The following KATNB1 variants were observed in gnomAD, a reference collection of about 807,000 sequenced individuals.
KATNB1 encodes katanin regulatory subunit B1.
KATNB1 carries 38 observed loss-of-function variants against 82.3 expected under a neutral mutation model. The observed-to-expected ratio is 0.46, with a 90% confidence interval of 0.36 to 0.61. The LOEUF (loss-of-function observed/expected upper bound fraction) is 0.61, where lower values mean the gene tolerates loss of function less well. Ranked by LOEUF, KATNB1 falls within the 20% of genes least tolerant of loss-of-function variation. The pLI is 0.00. For missense variants in KATNB1, 749 were observed against 915.7 expected (o/e 0.82, Z 2.35); for synonymous variants, 361 against 368.7 (o/e 0.98, Z 0.24).
intron 4 of KATNB1, among the ~76,000 whole-genome samples, chr16:57,750,276 G>T (rs1217129558): frequency 6.6e-6 from 1 of 152,158 alleles, no homozygotes; most frequent in Non-Finnish European, 1.5e-5. Flanking sequence ...GGAGAGTGTG[G>T]TACAATTTCT....
Position 57,755,842 on chromosome 16 carries a change from C to T in KATNB1, c.1568C>T (p.Thr523Met), listed in dbSNP as rs142649985. ...RAVWTMGDIK[T>M]SVDSAVAIND... ...CCTGACGGTGCTCTGTTTGCACAGA[C>T]GTCGGTGGACTCCGCTGTGGCCATC... The change falls in exon 17 of 20, where the codon ACG becomes ATG. Residue 523 changes from threonine to methionine, a missense_variant and splice_region_variant. Thr to Met is a moderately conservative substitution (Grantham distance 81, BLOSUM62 -1). Coordinates refer to ENST00000379661, the MANE Select transcript of KATNB1 (RefSeq NM_005886.3). 1.1e-4 allele frequency: 175 copies of T among 1,585,412 alleles called. 2 individuals carry two copies. The African/African-American group carries it at 1.2e-3, about 11-fold the overall frequency.
At chr16:57,737,443 T>G (rs2148786735) in intron 2 of KATNB1, among the ~76,000 whole-genome samples, 160 bp downstream of exon 2, 1 of 152,308 alleles carries the variant, frequency 6.6e-6, no homozygotes, top group Middle Eastern at 3.4e-3. Context: ...ACTGTGGCAC[T>G]TCTTAGCTGG....
chr16:57,742,511 G>C (rs185896790), intron 3 of KATNB1, among the ~76,000 whole-genome samples: 11 of 152,360 alleles, frequency 7.2e-5, no homozygotes, highest in African/African-American at 2.6e-4. Flanking sequence ...GTACATGCAT[G>C]TACACATGTA....
In KATNB1 at chr16:57,751,322, G is replaced by C. The variant is rs781936878; in HGVS notation, c.432+20G>C. 4 of 1,611,106 alleles carry C rather than the reference G, an allele frequency of 2.5e-6. No individual in the cohort carries two copies. In the Admixed American group the frequency reaches 6.7e-5, roughly 27 times the overall value. On this transcript the variant is annotated intron_variant, in intron 6 of 19. Coordinates refer to ENST00000379661, the MANE Select transcript of KATNB1 (RefSeq NM_005886.3). This position sits in a 1 kb window ranked among gnomAD's most constrained non-coding sequence, Gnocchi z 6.3. ...TACAGGGTAAGGATGCGCTCTGTCGGTGACTCCATGAGCACCTTGCGGGCA... is the reference window on the plus strand; with the variant it reads ...TACAGGGTAAGGATGCGCTCTGTCGCTGACTCCATGAGCACCTTGCGGGCA...
rs372112294 is a variant in KATNB1, at chr16:57,753,276, C to T, written c.1046+9C>T. 1.9e-6 allele frequency: 3 copies of T among 1,590,724 alleles called. No individual in the cohort carries two copies. The South Asian group carries it at 3.3e-5, about 18-fold the overall frequency. ...TGCAGCAAGCCTCAGAGGTGAGGGCCTGGGGGGCCTTCGGGGGCCCAGGAG... is the reference window on the plus strand; with the variant it reads ...TGCAGCAAGCCTCAGAGGTGAGGGCTTGGGGGGCCTTCGGGGGCCCAGGAG... On this transcript the variant is annotated intron_variant, in intron 11 of 19. Transcript: ENST00000379661.
intron 10 of KATNB1, 70 bp from the exon 11 acceptor site, chr16:57,753,007 C>A: frequency 6.3e-7 from 1 of 1,588,624 alleles, no homozygotes; most frequent in East Asian, 2.2e-5. Context: ...CCTCCTCCTA[C>A]CCCCACACTG....
At position 57,751,256 on chromosome 16, in the gene KATNB1, C is replaced by T. The variant is rs113125279; in HGVS notation, c.391-5C>T. The T allele has an allele frequency of 9.9e-6, 16 of 1,613,852 alleles. No homozygotes were observed. In the South Asian group the frequency reaches 1.5e-4, roughly 16 times the overall value. On this transcript the variant is annotated splice_region_variant and splice_polypyrimidine_tract_variant and intron_variant, in intron 5 of 19. Transcript: ENST00000379661. This position sits in a 1 kb window ranked among gnomAD's most constrained non-coding sequence, Gnocchi z 6.3. ...TCTGCCCCTCTGCTTCTCTCTCCCC[C>T]ACAGCTCTGGGACATCAGGAGGAAA...
intron 3 of KATNB1, among the ~76,000 whole-genome samples, chr16:57,744,165 G>A (rs1041550645): frequency 2.6e-5 from 4 of 152,238 alleles, no homozygotes; most frequent in Admixed American, 6.5e-5. Flanking sequence ...GAAGAGGGAG[G>A]TGGTGGGGGG....
At chr16:57,741,609 A>G in intron 2 of KATNB1, 78 bp from the exon 3 acceptor site, 1 of 1,491,076 alleles carries the variant, frequency 6.7e-7, no homozygotes, top group Non-Finnish European at 9.1e-7. Context: ...CAAAGCGGGT[A>G]GCCGAGCAGG....
chr16:57,753,634 C>T (rs1295921366), intron 12 of KATNB1, 115 bp downstream of exon 12: 2 of 1,358,648 alleles, frequency 1.5e-6, no homozygotes, highest in East Asian at 2.4e-5. Context: ...TCCTAACCCA[C>T]ACCTGGGCTC....
At position 57,750,823 on chromosome 16, in the gene KATNB1, T is replaced by A; in HGVS notation, c.290-4T>A. 6.2e-7 allele frequency: 1 copy of A among 1,613,332 alleles called. No individual in the cohort carries two copies. The highest frequency in any genetic ancestry group is 8.5e-7 in the Non-Finnish European group (1 of 1,179,242). ...GCCACTGTCTCTGCTTTCCTTCTTGTTAGTTCTTCGCACACTCATGGGACA... is the reference window on the plus strand; with the variant it reads ...GCCACTGTCTCTGCTTTCCTTCTTGATAGTTCTTCGCACACTCATGGGACA... On this transcript the variant is annotated splice_region_variant and splice_polypyrimidine_tract_variant and intron_variant, in intron 4 of 19. Coordinates refer to ENST00000379661, the MANE Select transcript of KATNB1 (RefSeq NM_005886.3).
chr16:57,742,851 G>A (rs948599723), intron 3 of KATNB1, among the ~76,000 whole-genome samples: 1 of 152,146 alleles, frequency 6.6e-6, no homozygotes, highest in Admixed American at 6.5e-5. Context: ...TTTTGTTAAA[G>A]CTTTCAAAAC....
chr16:57,747,219 C>T (rs1314342819), intron 4 of KATNB1, among the ~76,000 whole-genome samples: 3 of 152,156 alleles, frequency 2.0e-5, no homozygotes, highest in Non-Finnish European at 2.9e-5. Flanking sequence ...TGGATCATCC[C>T]GCGTGCCAGG....
chr16:57,752,466 C>A (rs2049236123), intron 8 of KATNB1, 64 bp from the exon 9 acceptor site: 1 of 1,447,188 alleles, frequency 6.9e-7, no homozygotes, highest in Non-Finnish European at 9.5e-7. Context: ...AGCTGGCTTC[C>A]CAGGGACATG....
At position 57,752,032 on chromosome 16, in the gene KATNB1, C is replaced by G. The variant is rs2049232761; in HGVS notation, c.609C>G (p.Leu203=). 2 of 1,612,438 alleles carry G rather than the reference C, an allele frequency of 1.2e-6. No individual in the cohort carries two copies. Among genetic ancestry groups the G allele is most frequent in the East Asian group, 4.5e-5 (2 of 44,878 alleles). Residue 203 remains leucine, a synonymous_variant, in exon 8 of 20, where the codon CTC becomes CTG. Transcript: ENST00000379661. The stretch of plus-strand genomic sequence containing the variant: ...TCGAGTTTCACCCCAACGAGTACCT[C>G]CTGGCCTCCGGCAGCTCTGACAGGT... ...NVVEFHPNEY[L]LASGSSDRTI...
chr16:57,752,210 G>T, intron 8 of KATNB1, 155 bp downstream of exon 8: 1 of 667,424 alleles, frequency 1.5e-6, no homozygotes, highest in Middle Eastern at 3.9e-4. Context: ...AGCCAGGACT[G>T]GACCCTGGTC....
chr16:57,744,686 A>G (rs2049169961), intron 4 of KATNB1, among the ~76,000 whole-genome samples, 175 bp downstream of exon 4: 1 of 151,856 alleles, frequency 6.6e-6, no homozygotes, highest in South Asian at 2.1e-4. Flanking sequence ...ATTGACATGC[A>G]CTGCTGCCTC....
chr16:57,754,641 A>G (rs925008682), intron 13 of KATNB1, among the ~76,000 whole-genome samples: 9 of 152,046 alleles, frequency 5.9e-5, no homozygotes, highest in Non-Finnish European at 1.0e-4. Context: ...CTTGCCAGTC[A>G]TCCCAGCCCC....
chr16:57,753,112 C>A lies in KATNB1; in HGVS notation c.891C>A (p.Ser297=). 6.2e-7 allele frequency: 1 copy of A among 1,609,850 alleles called. No homozygotes were observed. The highest frequency in any genetic ancestry group is 8.5e-7 in the Non-Finnish European group (1 of 1,178,556). The stretch of plus-strand genomic sequence containing the variant: ...CCTTCTCCCAGAGCAACGTCTCCTC[C>A]TACGTGGTGGATCTGACGCGTGTCA... ...GVAFSQSNVS[S]YVVDLTRVTR... is the part of the protein sequence containing the mutation. Residue 297 remains serine (S), a synonymous_variant, in exon 11 of 20, where the codon TCC becomes TCA. Coordinates refer to ENST00000379661, the MANE Select transcript of KATNB1 (RefSeq NM_005886.3).
Sources: allele counts gnomAD v4.1 joint callset (sites outside exome capture counted in the v4.1 genomes callset), GRCh38; gene constraint gnomAD v4.1.1; non-coding constraint Gnocchi (gnomAD v3.1); transcripts MANE v1.5; gene names NCBI Gene and HGNC (gene_info 2026-07-23, HGNC 2026-07-21).